Variants in SYTL5 observed in about 807,000 individuals in gnomAD.
SYTL5 encodes the protein synaptotagmin like 5.
Under a neutral mutation model 55.9 loss-of-function variants are expected in SYTL5, and 34 were observed. That is an observed-to-expected ratio of 0.61 (90% CI 0.46 to 0.81). The LOEUF (loss-of-function observed/expected upper bound fraction) is 0.81. Ranked by LOEUF, SYTL5 falls within the 30% of genes least tolerant of loss-of-function variation. The pLI, the probability that SYTL5 is intolerant of heterozygous loss-of-function variation, is 0.00. For synonymous variants in SYTL5, 221 were observed against 188.7 expected (o/e 1.17, Z -1.40); for missense variants, 637 against 546.7 (o/e 1.17, Z -1.65).
At chrX:38,074,905 A>AACAC (rs72169928) in intron 5 of SYTL5, among the ~76,000 whole-genome samples, 13 of 102,859 alleles carry the variant, frequency 1.3e-4, no homozygotes, top group East Asian at 3.0e-4. Context: ...ACACCCCCTC[A>AACAC]ACACACACAC....
At chrX:37,945,965 C>A in the SYTL5 span, 1 of 150,382 alleles carries the variant, frequency 6.6e-6, no homozygotes, top group South Asian at 2.1e-4. Context: ...ACCTGACAGT[C>A]CTCTGCAAGA....
intron 5 of SYTL5, 77 bp from the exon 6 acceptor site, chrX:38,076,490 A>G: frequency 1.2e-6 from 1 of 862,480 alleles, no homozygotes. Flanking sequence ...TAAAAGTACT[A>G]GAAATTGTAT....
intron 1 of SYTL5, among the ~76,000 whole-genome samples, chrX:38,012,537 C>G (rs1360042306): frequency 9.0e-6 from 1 of 111,469 alleles, no homozygotes; most frequent in African/African-American, 3.3e-5. Context: ...AACTTTAAAT[C>G]CAAATATACT....
At chrX:37,942,465 C>G in the SYTL5 span, among the ~76,000 whole-genome samples, 1 of 111,498 alleles carries the variant, frequency 9.0e-6, no homozygotes, top group South Asian at 3.8e-4. Context: ...GGAGGATGTT[C>G]AAATCAAATG....
chrX:37,893,342 T>G, the SYTL5 span, among the ~76,000 whole-genome samples: 1 of 99,478 alleles, frequency 1.0e-5, no homozygotes, highest in Non-Finnish European at 2.0e-5. Flanking sequence ...ATATACTATA[T>G]AGTATATATA....
the SYTL5 span, among the ~76,000 whole-genome samples, chrX:37,928,112 A>G: frequency 1.9e-4 from 21 of 112,191 alleles, no homozygotes; most frequent in Admixed American, 1.3e-3. Flanking sequence ...TTACATATAT[A>G]CCTGTCCAGA....
chrX:37,895,125 G>A, the SYTL5 span, among the ~76,000 whole-genome samples: 1,684 of 111,979 alleles, frequency 0.015, 30 homozygotes, highest in African/African-American at 0.052. Flanking sequence ...TCCCGACAGA[G>A]CTGTAAATCT....
the SYTL5 span, among the ~76,000 whole-genome samples, chrX:37,962,896 C>T: frequency 3.6e-5 from 4 of 111,797 alleles, no homozygotes; most frequent in Admixed American, 3.8e-4. Context: ...CCCAAAGGCG[C>T]CACCTCCAAA....
At position 38,006,639 on chromosome X, in the gene SYTL5, C is replaced by T. The variant is rs1481074455; in HGVS notation, c.-386C>T. 1 of 111,228 alleles carries T rather than the reference C, an allele frequency of 9.0e-6. No individual in the cohort carries two copies. The highest frequency in any genetic ancestry group is 2.8e-4 in the East Asian group (1 of 3,565). The allele number at this position is 111,228 out of a possible 1,213,427, so 9.2% of individuals were successfully genotyped here. A position where few individuals can be genotyped will look rare whatever the true frequency, so the allele number is the denominator to read the frequency against. ...TTGTGTGTTTGAGAGAAAAATAAGCCCATAAAAACATTCTAACCTTCAGAT... is the reference window on the plus strand; with the variant it reads ...TTGTGTGTTTGAGAGAAAAATAAGCTCATAAAAACATTCTAACCTTCAGAT... On this transcript the variant is annotated 5_prime_UTR_variant, in exon 1 of 17. Coordinates refer to ENST00000297875, the MANE Select transcript of SYTL5 (RefSeq NM_138780.3).
At chrX:37,895,240 G>C in the SYTL5 span, among the ~76,000 whole-genome samples, 1 of 112,186 alleles carries the variant, frequency 8.9e-6, no homozygotes, top group Admixed American at 9.5e-5. Flanking sequence ...AAAGACTTAA[G>C]TTCAAAGCTA....
At chrX:37,920,091 A>C in the SYTL5 span, among the ~76,000 whole-genome samples, 1 of 111,529 alleles carries the variant, frequency 9.0e-6, no homozygotes, top group Middle Eastern at 4.6e-3. Context: ...AGATATTCTG[A>C]TGTTGCCAGG....
At chrX:37,991,396 A>T in the SYTL5 span, 3 of 675,995 alleles carry the variant, frequency 4.4e-6, no homozygotes, top group African/African-American at 6.7e-5. Flanking sequence ...ATCCCCAGAG[A>T]GCTGAAGGCG....
chrX:38,033,490 CTAAT>C (rs1935019839), intron 1 of SYTL5, 40 bp from the exon 2 acceptor site: 1 of 113,161 alleles, frequency 8.8e-6, no homozygotes, highest in Non-Finnish European at 1.9e-5. Flanking sequence ...GAAAAATAGC[CTAAT>C]TAAATTTTTC....
the SYTL5 span, among the ~76,000 whole-genome samples, chrX:37,995,312 AAG>A: frequency 8.9e-6 from 1 of 111,948 alleles, no homozygotes; most frequent in African/African-American, 3.2e-5. Context: ...GGTGGGTGGA[AAG>A]AGGGCACACG....
chrX:37,991,112 C>A, the SYTL5 span: 2 of 1,211,543 alleles, frequency 1.7e-6, no homozygotes, highest in South Asian at 1.8e-5. Context: ...AAGTGGACAA[C>A]AACCGTGAGC....
intron 9 of SYTL5, among the ~76,000 whole-genome samples, chrX:38,100,632 T>C (rs1455478727): frequency 1.8e-5 from 2 of 111,354 alleles, no homozygotes; most frequent in African/African-American, 6.5e-5. Context: ...AAAAAATATC[T>C]AACAATACCA....
chrX:38,106,523 A>G (rs887569206), intron 10 of SYTL5, 70 bp from the exon 11 acceptor site: 2 of 954,723 alleles, frequency 2.1e-6, no homozygotes, highest in Middle Eastern at 5.5e-4. Context: ...TAATTGAATG[A>G]AATGAGTTGA....
At chrX:37,925,774 A>G in the SYTL5 span, among the ~76,000 whole-genome samples, 1 of 110,751 alleles carries the variant, frequency 9.0e-6, no homozygotes, top group Non-Finnish European at 1.9e-5. Flanking sequence ...CTTTCCCTCA[A>G]GTCCCCAAAG....
At chrX:37,902,171 T>TAC in the SYTL5 span, among the ~76,000 whole-genome samples, 8 of 112,086 alleles carry the variant, frequency 7.1e-5, no homozygotes. Flanking sequence ...AGTGAGGTTC[T>TAC]ACACCCAGGG....
Sources: gnomAD v4.1 joint callset for allele counts (sites outside exome capture counted in the v4.1 genomes callset) on GRCh38, gnomAD v4.1.1 for gene constraint, MANE v1.5 for transcripts, NCBI Gene and HGNC (gene_info 2026-07-23, HGNC 2026-07-21) for gene names.